Variants in CARMIL1 observed in about 807,000 individuals in gnomAD.
The protein encoded by CARMIL1 is capping protein regulator and myosin 1 linker 1.
Under a neutral mutation model 177.1 loss-of-function variants are expected in CARMIL1, and 90 were observed. The observed-to-expected ratio is 0.51, with a 90% confidence interval of 0.43 to 0.61. CARMIL1 has a LOEUF of 0.61. Among genes scored for constraint, CARMIL1 ranks in the 20% least tolerant of loss-of-function variants. The pLI, the probability that CARMIL1 is intolerant of heterozygous loss-of-function variation, is 0.00. For synonymous variants in CARMIL1, 577 were observed against 606.2 expected (o/e 0.95, Z 0.71); for missense variants, 1,380 against 1,667.0 (o/e 0.83, Z 3.00).
chr6:25,581,265 A>C lies in CARMIL1; in HGVS notation c.2832A>C (p.Lys944Asn), dbSNP rs184765910. 1 of 1,613,690 alleles carries C rather than the reference A, an allele frequency of 6.2e-7. No individual in the cohort carries two copies. The highest frequency in any genetic ancestry group is 2.2e-5 in the East Asian group (1 of 44,880). The change falls in exon 31 of 37, where the codon AAA (lysine) becomes AAC (asparagine). Residue 944 changes from lysine (K) to asparagine (N), a missense_variant. Lys to Asn is a moderately conservative substitution (Grantham distance 94). Coordinates refer to ENST00000329474, the MANE Select transcript of CARMIL1 (RefSeq NM_017640.6). ...RAFEMEFDLD[K>N]ALEEVPIHIE... ...TAGAAATGGAGTTTGATCTAGATAA[A>C]GCGCTGGAAGAGGTACCAATTCACA...
At chr6:25,343,232 G>A (rs1787133002) in intron 2 of CARMIL1, among the ~76,000 whole-genome samples, 1 of 152,040 alleles carries the variant, frequency 6.6e-6, no homozygotes, top group African/African-American at 2.4e-5. Flanking sequence ...ATGCAGAATA[G>A]GGATTAGAGA....
At chr6:25,504,391 G>C (rs1554211905) in intron 17 of CARMIL1, among the ~76,000 whole-genome samples, 1 of 152,034 alleles carries the variant, frequency 6.6e-6, no homozygotes, top group Non-Finnish European at 1.5e-5. Flanking sequence ...TAGGTTCTCA[G>C]GGTATTCTTT....
At chr6:25,510,451 GA>G in intron 18 of CARMIL1, 55 bp from the exon 19 acceptor site, 1 of 1,085,164 alleles carries the variant, frequency 9.2e-7, no homozygotes, top group Non-Finnish European at 1.3e-6. Flanking sequence ...TGTTCCAGCT[GA>G]AAATTAATTT....
At position 25,550,904 on chromosome 6, in the gene CARMIL1, T is replaced by C. The variant is rs371422340; in HGVS notation, c.2329-6T>C. On this transcript the variant is annotated splice_region_variant and splice_polypyrimidine_tract_variant and intron_variant, in intron 26 of 36. Transcript: ENST00000329474. Reference sequence around the variant, plus strand: ...ATCTCTTCCCTTCACTTGTGCTGCATTGCAGGCGTTGCTTGAGTCCATGGT... The same window carrying C: ...ATCTCTTCCCTTCACTTGTGCTGCACTGCAGGCGTTGCTTGAGTCCATGGT... 36 of 1,612,284 alleles carry C rather than the reference T, an allele frequency of 2.2e-5. No individual in the cohort carries two copies. In the African/African-American group the frequency reaches 4.3e-4, roughly 19 times the overall value.
At chr6:25,591,117 T>C (rs1010530296) in intron 31 of CARMIL1, among the ~76,000 whole-genome samples, 1 of 152,238 alleles carries the variant, frequency 6.6e-6, no homozygotes, top group Non-Finnish European at 1.5e-5. Flanking sequence ...CTAATTGTCC[T>C]TACTTCCTGC....
chr6:25,454,845 G>C (rs551968656), intron 8 of CARMIL1, among the ~76,000 whole-genome samples: 2 of 152,294 alleles, frequency 1.3e-5, no homozygotes, highest in African/African-American at 4.8e-5. Flanking sequence ...CACTTAAATG[G>C]TACAGTTGTA....
chr6:25,463,892 G>A (rs549671925), intron 8 of CARMIL1, among the ~76,000 whole-genome samples: 3 of 134,236 alleles, frequency 2.2e-5, no homozygotes, highest in Non-Finnish European at 4.6e-5. Context: ...GCCTGATCTC[G>A]GCTCACTGCA....
chr6:25,442,622 A>T (rs181733859), intron 5 of CARMIL1, among the ~76,000 whole-genome samples: 39 of 150,056 alleles, frequency 2.6e-4, no homozygotes, highest in Non-Finnish European at 4.4e-4. Context: ...GTTAGCATAG[A>T]TAAGAAACAG....
At chr6:25,321,400 G>A (rs1485230221) in intron 2 of CARMIL1, among the ~76,000 whole-genome samples, 2 of 152,136 alleles carry the variant, frequency 1.3e-5, no homozygotes, top group Non-Finnish European at 2.9e-5. Flanking sequence ...GCCTAGAGGA[G>A]GGTCTGATCC....
At chr6:25,591,007 A>G (rs1037221291) in intron 31 of CARMIL1, among the ~76,000 whole-genome samples, 2 of 151,894 alleles carry the variant, frequency 1.3e-5, no homozygotes, top group African/African-American at 4.8e-5. Flanking sequence ...TTAATTTTCC[A>G]TGTTTTTTAC....
At chr6:25,336,415 A>T (rs1301380248) in intron 2 of CARMIL1, among the ~76,000 whole-genome samples, 3 of 152,206 alleles carry the variant, frequency 2.0e-5, no homozygotes, top group Non-Finnish European at 4.4e-5. Flanking sequence ...CCCTGTGAGC[A>T]GCCTAAGGCA....
At chr6:25,586,896 T>A (rs1186934182) in intron 31 of CARMIL1, among the ~76,000 whole-genome samples, 3 of 151,738 alleles carry the variant, frequency 2.0e-5, no homozygotes, top group Non-Finnish European at 2.9e-5. Context: ...TGAGCCGAGA[T>A]GGCAGCAGTA....
At chr6:25,390,324 T>TA (rs35294401) in intron 2 of CARMIL1, among the ~76,000 whole-genome samples, 1 of 106,764 alleles carries the variant, frequency 9.4e-6, no homozygotes, top group African/African-American at 3.6e-5. Context: ...ATATATATTT[T>TA]TTTTTTTTTT....
At chr6:25,296,935 T>TCTTTAACTAACTAACTAAC (rs11414122) in intron 2 of CARMIL1, among the ~76,000 whole-genome samples, 2 of 136,444 alleles carry the variant, frequency 1.5e-5, no homozygotes, top group South Asian at 4.9e-4. Context: ...CTATCTATCT[T>TCTTTAACTAACTAACTAAC]TAACTAACTA....
At chr6:25,578,607 T>G (rs1812816106) in intron 29 of CARMIL1, among the ~76,000 whole-genome samples, 1 of 152,140 alleles carries the variant, frequency 6.6e-6, no homozygotes, top group African/African-American at 2.4e-5. Context: ...AGATTGAGTT[T>G]TTTTTTCTCT....
intron 2 of CARMIL1, among the ~76,000 whole-genome samples, chr6:25,349,038 A>C (rs1787836027): frequency 6.6e-6 from 1 of 152,182 alleles, no homozygotes; most frequent in South Asian, 2.1e-4. Flanking sequence ...TAAATTTGAC[A>C]GTAATTTGTA....
At chr6:25,584,001 T>C (rs1813382777) in intron 31 of CARMIL1, among the ~76,000 whole-genome samples, 1 of 151,314 alleles carries the variant, frequency 6.6e-6, no homozygotes, top group Non-Finnish European at 1.5e-5. Flanking sequence ...TAATCTTATG[T>C]ACTTTTATCT....
At chr6:25,379,043 T>G (rs192004720) in intron 2 of CARMIL1, among the ~76,000 whole-genome samples, 5 of 152,264 alleles carry the variant, frequency 3.3e-5, no homozygotes, top group African/African-American at 1.2e-4. Flanking sequence ...AAACTTTAAA[T>G]CTCGGTTTTC....
intron 5 of CARMIL1, among the ~76,000 whole-genome samples, chr6:25,439,375 C>A (rs1358744659): frequency 6.6e-6 from 1 of 152,144 alleles, no homozygotes; most frequent in Non-Finnish European, 1.5e-5. Context: ...CCATTGAGCA[C>A]AAGATGGTCT....
Sources: allele counts gnomAD v4.1 joint callset (sites outside exome capture counted in the v4.1 genomes callset), GRCh38; gene constraint gnomAD v4.1.1; transcripts MANE v1.5; gene names NCBI Gene and HGNC (gene_info 2026-07-23, HGNC 2026-07-21).